Variants in NTRK3 observed in about 807,000 individuals in gnomAD.
The protein encoded by NTRK3 is neurotrophic receptor tyrosine kinase 3.
In NTRK3, 24 loss-of-function variants were observed where a neutral mutation model predicts 91.7. That is an observed-to-expected ratio of 0.26 (90% confidence interval 0.19 to 0.37). The LOEUF (loss-of-function observed/expected upper bound fraction) is 0.37, where lower values mean the gene tolerates loss of function less well. Ranked by LOEUF, NTRK3 falls within the 10% of genes least tolerant of loss-of-function variation. The pLI is 1.00. For missense variants in NTRK3, 880 were observed against 1,068.9 expected, an observed-to-expected ratio of 0.82 and a Z score of 2.46; for synonymous variants, 483 against 404.0, an observed-to-expected ratio of 1.20 and a Z score of -2.34.
chr15:88,151,612 C>T (rs147723098), intron 5 of NTRK3, among the ~76,000 whole-genome samples: 1 of 152,184 alleles, frequency 6.6e-6, no homozygotes, highest in African/African-American at 2.4e-5. Flanking sequence ...TAAGACGGAC[C>T]CTGTTGCCAA....
chr15:88,140,581 A>C (rs1276228237), intron 6 of NTRK3, among the ~76,000 whole-genome samples: 1 of 152,238 alleles, frequency 6.6e-6, no homozygotes, highest in Non-Finnish European at 1.5e-5. Flanking sequence ...AGTATCTACC[A>C]ATTAGAAATT....
intron 14 of NTRK3, among the ~76,000 whole-genome samples, chr15:88,017,356 C>A (rs16941136): frequency 2.6e-5 from 4 of 152,152 alleles, no homozygotes; most frequent in African/African-American, 9.7e-5. Context: ...AAGGAAAAGA[C>A]GGCACCAGAA....
At chr15:88,167,067 T>C (rs1398726501) in intron 5 of NTRK3, among the ~76,000 whole-genome samples, 2 of 152,196 alleles carry the variant, frequency 1.3e-5, no homozygotes, top group Admixed American at 6.5e-5. Context: ...AAAGCACCTG[T>C]TACCTGCATT....
intron 17 of NTRK3, among the ~76,000 whole-genome samples, chr15:87,924,051 A>T (rs1199687153): frequency 6.6e-6 from 1 of 152,174 alleles, no homozygotes; most frequent in African/African-American, 2.4e-5. Flanking sequence ...ACAGACTAAG[A>T]CAATAATTAA....
intron 17 of NTRK3, among the ~76,000 whole-genome samples, chr15:87,918,493 T>C (rs1455356878): frequency 6.6e-6 from 1 of 152,258 alleles, no homozygotes. Context: ...ACTTTGCTCA[T>C]GCTAACCTCT....
At chr15:88,029,643 C>T (rs1407280412) in intron 14 of NTRK3, among the ~76,000 whole-genome samples, 1 of 152,184 alleles carries the variant, frequency 6.6e-6, no homozygotes, top group Non-Finnish European at 1.5e-5. Flanking sequence ...CTGGGGGATT[C>T]ACAATGTGAG....
intron 14 of NTRK3, among the ~76,000 whole-genome samples, chr15:88,016,916 T>G (rs552292866): frequency 7.5e-6 from 1 of 133,256 alleles, no homozygotes; most frequent in East Asian, 2.2e-4. Flanking sequence ...AAGGGGAATA[T>G]ACCCTTTCAG....
At chr15:88,242,945 C>G (rs2052500628) in intron 3 of NTRK3, among the ~76,000 whole-genome samples, 1 of 152,220 alleles carries the variant, frequency 6.6e-6, no homozygotes, top group South Asian at 2.1e-4. Flanking sequence ...GAATATGAGG[C>G]CGCCCCTCCA....
intron 6 of NTRK3, among the ~76,000 whole-genome samples, chr15:88,146,006 T>C (rs2042859568): frequency 6.6e-6 from 1 of 152,210 alleles, no homozygotes; most frequent in Non-Finnish European, 1.5e-5. Flanking sequence ...GCTAAGCATC[T>C]CAGTGTCCTC....
At chr15:87,977,719 C>T (rs1278229870) in intron 14 of NTRK3, 1 of 231,390 alleles carries the variant, frequency 4.3e-6, no homozygotes, top group Non-Finnish European at 8.5e-6. Context: ...ACCTGAACTC[C>T]CAGGTGATAC....
At chr15:87,968,917 AAAG>A (rs759416641) in intron 14 of NTRK3, among the ~76,000 whole-genome samples, 1 of 152,180 alleles carries the variant, frequency 6.6e-6, no homozygotes, top group East Asian at 1.9e-4. Context: ...TAAACAGATG[AAAG>A]AACTCATTCC....
chr15:88,250,131 C>G (rs1274329947), intron 3 of NTRK3, among the ~76,000 whole-genome samples: 1 of 152,168 alleles, frequency 6.6e-6, no homozygotes, highest in Admixed American at 6.5e-5. Flanking sequence ...AATAGCCCCT[C>G]ACATTTCTGT....
At chr15:88,025,513 G>A (rs762395828) in intron 14 of NTRK3, among the ~76,000 whole-genome samples, 2 of 152,308 alleles carry the variant, frequency 1.3e-5, no homozygotes, top group Non-Finnish European at 2.9e-5. Flanking sequence ...AAAACTATAT[G>A]TCTGGTGTTC....
intron 13 of NTRK3, among the ~76,000 whole-genome samples, chr15:88,059,443 T>C (rs940793682): frequency 2.6e-5 from 4 of 152,198 alleles, no homozygotes; most frequent in African/African-American, 9.7e-5. Context: ...CCCCTAGTTA[T>C]AGGCACACAC....
At chr15:88,248,428 C>G (rs776289572) in intron 3 of NTRK3, among the ~76,000 whole-genome samples, 8 of 152,130 alleles carry the variant, frequency 5.3e-5, no homozygotes, top group Non-Finnish European at 1.0e-4. Context: ...TAACTCCCAC[C>G]CAAGTAACTG....
intron 13 of NTRK3, among the ~76,000 whole-genome samples, chr15:88,077,328 C>T (rs2047637558): frequency 1.3e-5 from 2 of 152,066 alleles, no homozygotes; most frequent in East Asian, 1.9e-4. Flanking sequence ...TCTTGAGTCA[C>T]GAACTGCATG....
At chr15:87,996,979 C>T (rs2075752594) in intron 14 of NTRK3, among the ~76,000 whole-genome samples, 1 of 152,224 alleles carries the variant, frequency 6.6e-6, no homozygotes, top group Non-Finnish European at 1.5e-5. Flanking sequence ...CAATGCCTAG[C>T]AGCCCTGTTT....
intron 13 of NTRK3, among the ~76,000 whole-genome samples, chr15:88,091,684 T>C (rs766131850): frequency 5.9e-5 from 9 of 152,136 alleles, no homozygotes; most frequent in Non-Finnish European, 1.2e-4. Flanking sequence ...ATCACACACA[T>C]CAATTAGTGA....
intron 17 of NTRK3, among the ~76,000 whole-genome samples, chr15:87,882,333 C>G (rs868505235): frequency 6.6e-6 from 1 of 152,032 alleles, no homozygotes; most frequent in Non-Finnish European, 1.5e-5. Flanking sequence ...AATATAGGAG[C>G]CAAGCTAATT....
Sources: gnomAD v4.1 joint callset for allele counts (sites outside exome capture counted in the v4.1 genomes callset) on GRCh38, gnomAD v4.1.1 for gene constraint, MANE v1.5 for transcripts, NCBI Gene and HGNC (gene_info 2026-07-23, HGNC 2026-07-21) for gene names.